The following ZNF563 variants were observed in gnomAD, a reference collection of about 807,000 sequenced individuals.
The protein encoded by ZNF563 is zinc finger protein 563.
ZNF563 carries 39 observed loss-of-function variants against 48.5 expected under a neutral mutation model. That is an observed-to-expected ratio of 0.80 (90% CI 0.62 to 1.05). The LOEUF (loss-of-function observed/expected upper bound fraction) is 1.05. Among genes scored for constraint, ZNF563 ranks in the 50% least tolerant of loss-of-function variants. The probability of loss-of-function intolerance (pLI) is 0.00; values close to 1 mark genes in which losing one functional copy is unlikely to be tolerated. For missense variants in ZNF563, 538 were observed against 597.0 expected, an observed-to-expected ratio of 0.90 and a Z score of 1.03; for synonymous variants, 168 against 187.9, an observed-to-expected ratio of 0.89 and a Z score of 0.87.
the ZNF563 span, among the ~76,000 whole-genome samples, chr19:12,339,273 C>CTTTTTTTTTTTTTTTTTT: frequency 1.2e-5 from 1 of 86,430 alleles, no homozygotes; most frequent in Non-Finnish European, 2.3e-5. Context: ...CAGTTGATTT[C>CTTTTTTTTTTTTTTTTTT]TTTTTTTTTT....
the ZNF563 span, among the ~76,000 whole-genome samples, chr19:12,341,299 G>A: frequency 2.0e-5 from 3 of 152,100 alleles, no homozygotes; most frequent in African/African-American, 7.2e-5. Flanking sequence ...TGATCCGCCT[G>A]CCTCAGCCTC....
the ZNF563 span, among the ~76,000 whole-genome samples, chr19:12,342,644 G>A: frequency 6.6e-6 from 1 of 151,558 alleles, no homozygotes; most frequent in Admixed American, 6.6e-5. Context: ...ACATGCACAT[G>A]CACCTATAGC....
chr19:12,334,868 C>CAA (rs35412288), upstream of ZNF563, among the ~76,000 whole-genome samples: 110 of 44,992 alleles, frequency 2.4e-3, 7 homozygotes, highest in East Asian at 0.013. Flanking sequence ...GACCTGGTCT[C>CAA]AAAAAAAAAA....
chr19:12,324,223 T>C (rs141601817), intron 1 of ZNF563, among the ~76,000 whole-genome samples: 109 of 152,038 alleles, frequency 7.2e-4, no homozygotes, highest in African/African-American at 2.6e-3. Flanking sequence ...TAGCCGGGCA[T>C]GGTGGTGTGC....
chr19:12,333,873 G>A (rs941041768), upstream of ZNF563, among the ~76,000 whole-genome samples: 10 of 152,260 alleles, frequency 6.6e-5, no homozygotes, highest in African/African-American at 4.8e-5. Context: ...CTTCCTCCCT[G>A]TGCTGTCCTG....
rs780835581 is a variant in ZNF563 at position 12,319,303 on chromosome 19, C to A, written c.722G>T (p.Arg241Leu). The A allele has an allele frequency of 3.1e-6, 5 of 1,613,742 alleles. No individual in the cohort carries two copies. Among genetic ancestry groups the A allele is most frequent in the South Asian group, 2.2e-5 (2 of 91,036 alleles). ...SKAFPFYSSYRRHERMHTGEK... is the reference protein window; with the variant it reads ...SKAFPFYSSYLRHERMHTGEK... ...CCCAGTGTGCATTCTCTCATGTCTT[C>A]GATAGGAACTGTAAAAAGGAAAGGC... The change falls in exon 4 of 4, where the codon CGA becomes CTA. Residue 241 changes from arginine to leucine, a missense_variant. Arg to Leu is a moderately radical substitution (Grantham distance 102). Coordinates refer to ENST00000293725, the MANE Select transcript of ZNF563 (RefSeq NM_145276.3).
At chr19:12,329,176 A>G (rs1968863691) in intron 1 of ZNF563, among the ~76,000 whole-genome samples, 1 of 152,166 alleles carries the variant, frequency 6.6e-6, no homozygotes, top group Admixed American at 6.5e-5. Flanking sequence ...CAAGAAATCA[A>G]TAGAAAACAT....
the ZNF563 span, among the ~76,000 whole-genome samples, chr19:12,342,162 T>C: frequency 6.6e-6 from 1 of 151,848 alleles, no homozygotes; most frequent in African/African-American, 2.4e-5. Flanking sequence ...CAGGCTGGAG[T>C]GCATGCCATC....
chr19:12,339,230 C>T, the ZNF563 span, among the ~76,000 whole-genome samples: 26,022 of 150,244 alleles, frequency 0.17, 2,328 homozygotes, highest in East Asian at 0.25. Context: ...TTATACTGGC[C>T]GATGTCCTTG....
chr19:12,338,301 G>A (rs957849589), upstream of ZNF563, among the ~76,000 whole-genome samples: 5 of 152,146 alleles, frequency 3.3e-5, no homozygotes, highest in African/African-American at 7.2e-5. Flanking sequence ...AGGCTGGAGT[G>A]CAGTGGCACA....
At chr19:12,321,598 C>T (rs1968627995) in intron 2 of ZNF563, among the ~76,000 whole-genome samples, 1 of 152,150 alleles carries the variant, frequency 6.6e-6, no homozygotes, top group Non-Finnish European at 1.5e-5. Context: ...ATGCGTGCCA[C>T]CACAACCAGC....
In ZNF563 at chr19:12,318,990, G is replaced by A; in HGVS notation, c.1035C>T (p.Gly345=). 6.2e-7 allele frequency: 1 copy of A among 1,614,106 alleles called. No individual in the cohort carries two copies. The highest frequency in any genetic ancestry group is 8.5e-7 in the Non-Finnish European group (1 of 1,179,998). Residue 345 remains glycine, a synonymous_variant, in exon 4 of 4, where the codon GGC becomes GGT. Transcript: ENST00000293725. ...ATCGAACTAAACTGGGACGATCAAAGCCTTTCCCACATATCTTACATTTAT... is the reference window on the plus strand; with the variant it reads ...ATCGAACTAAACTGGGACGATCAAAACCTTTCCCACATATCTTACATTTAT... The part of the protein sequence containing the change: ...RPHKCKICGK[G]FDRPSLVRYH...
Position 12,319,203 on chromosome 19 carries a change from A to G in ZNF563, c.822T>C (p.Thr274=), listed in dbSNP as rs1968530535. 6.2e-7 allele frequency: 1 copy of G among 1,614,100 alleles called. No individual in the cohort carries two copies. The highest frequency in any genetic ancestry group is 1.3e-5 in the African/African-American group (1 of 75,024). Residue 274 remains threonine, a synonymous_variant, in exon 4 of 4, where the codon ACT becomes ACC. Coordinates refer to ENST00000293725, the MANE Select transcript of ZNF563 (RefSeq NM_145276.3). ...DSSSYIRHER[T]HTGEKPYTCK... The stretch of plus-strand genomic sequence containing the variant: ...ATGTATATGGTTTCTCTCCAGTGTG[A>G]GTTCTTTCATGTCTTATATAGGAAC...
upstream of ZNF563, among the ~76,000 whole-genome samples, chr19:12,334,587 G>C (rs1251804130): frequency 6.6e-6 from 1 of 152,102 alleles, no homozygotes; most frequent in Non-Finnish European, 1.5e-5. Flanking sequence ...TTAGTTTAAG[G>C]GCCCGGGGCG....
chr19:12,333,433 C>T (rs1347382469), intron 1 of ZNF563, 47 bp downstream of exon 1: 1 of 1,612,160 alleles, frequency 6.2e-7, no homozygotes, highest in African/African-American at 1.3e-5. Flanking sequence ...TGGACGGTTC[C>T]AACCAGCTCT....
At chr19:12,329,956 T>C (rs185635526) in intron 1 of ZNF563, among the ~76,000 whole-genome samples, 34 of 152,052 alleles carry the variant, frequency 2.2e-4, no homozygotes, top group African/African-American at 6.5e-4. Context: ...GTTTTGCTCT[T>C]GTTGCCCAGG....
upstream of ZNF563, among the ~76,000 whole-genome samples, chr19:12,337,599 T>C (rs949911086): frequency 6.6e-6 from 1 of 152,196 alleles, no homozygotes; most frequent in Non-Finnish European, 1.5e-5. Context: ...AAAGTAAACA[T>C]AACACCATTC....
At chr19:12,329,643 A>C (rs1379017751) in intron 1 of ZNF563, among the ~76,000 whole-genome samples, 1 of 152,164 alleles carries the variant, frequency 6.6e-6, no homozygotes, top group African/African-American at 2.4e-5. Context: ...GGAACAACTG[A>C]ATGCCCACAT....
intron 3 of ZNF563, among the ~76,000 whole-genome samples, chr19:12,320,533 C>T (rs1968588271): frequency 6.6e-6 from 1 of 151,670 alleles, no homozygotes; most frequent in Admixed American, 6.6e-5. Flanking sequence ...CGGAGTCTTG[C>T]TCTGTCGCCA....
Sources: gnomAD v4.1 joint callset for allele counts (sites outside exome capture counted in the v4.1 genomes callset) on GRCh38, gnomAD v4.1.1 for gene constraint, MANE v1.5 for transcripts, NCBI Gene and HGNC (gene_info 2026-07-23, HGNC 2026-07-21) for gene names.